Variants in ADCY10 observed in about 807,000 individuals in gnomAD.
ADCY10 encodes adenylate cyclase type 10.
A neutral mutation model predicts 183.3 loss-of-function variants in ADCY10; 156 were observed. That is an observed-to-expected ratio of 0.85 (90% CI 0.75 to 0.97). The LOEUF is 0.97. Among genes scored for constraint, ADCY10 ranks in the 50% least tolerant of loss-of-function variants. The probability of loss-of-function intolerance (pLI) is 0.00; values close to 1 mark genes in which losing one functional copy is unlikely to be tolerated. For synonymous variants in ADCY10, 645 were observed against 670.0 expected (o/e 0.96, Z 0.58); for missense variants, 1,745 against 1,934.3 (o/e 0.90, Z 1.84).
At chr1:167,853,832 T>C (rs1316010995) in intron 18 of ADCY10, among the ~76,000 whole-genome samples, 1 of 53,884 alleles carries the variant, frequency 1.9e-5, no homozygotes, top group Non-Finnish European at 3.6e-5. Context: ...TATAGTTACT[T>C]TTTTTTTTTT....
At chr1:167,880,721 T>C in intron 9 of ADCY10, 112 bp from the exon 10 acceptor site, 1 of 771,052 alleles carries the variant, frequency 1.3e-6, no homozygotes, top group Non-Finnish European at 2.3e-6. Flanking sequence ...GAATCAGATT[T>C]TATCATGATT....
At chr1:167,873,405 T>C (rs377765717) in intron 13 of ADCY10, among the ~76,000 whole-genome samples, 2 of 152,198 alleles carry the variant, frequency 1.3e-5, no homozygotes, top group African/African-American at 4.8e-5. Flanking sequence ...GACACCAAGA[T>C]TGTGGCCCAA....
chr1:167,825,955 A>C (rs1243256325), intron 26 of ADCY10, among the ~76,000 whole-genome samples: 1 of 152,246 alleles, frequency 6.6e-6, no homozygotes, highest in Non-Finnish European at 1.5e-5. Flanking sequence ...CAAAAACAAA[A>C]TAATACATGT....
intron 32 of ADCY10, 151 bp from the exon 33 acceptor site, chr1:167,809,990 C>T: frequency 4.1e-6 from 3 of 738,264 alleles, no homozygotes; most frequent in Non-Finnish European, 7.0e-6. Context: ...AACTAGGATA[C>T]TGACACAGCC....
chr1:167,873,187 T>C (rs1479773265), intron 13 of ADCY10, among the ~76,000 whole-genome samples: 3 of 152,142 alleles, frequency 2.0e-5, no homozygotes, highest in African/African-American at 2.4e-5. Flanking sequence ...AAAATAAGTA[T>C]ATCCTAGGAT....
At chr1:167,890,450 T>G (rs748810560) in intron 8 of ADCY10, among the ~76,000 whole-genome samples, 67 of 151,864 alleles carry the variant, frequency 4.4e-4, no homozygotes, top group Non-Finnish European at 8.2e-4. Context: ...GAGCTGGGGG[T>G]GGGGTCACAC....
rs764010084 is a variant in ADCY10, at chr1:167,875,172, G to A, written c.1421C>T (p.Ala474Val). The A allele has an allele frequency of 8.7e-6, 14 of 1,613,954 alleles. No homozygotes were observed. The highest frequency in any genetic ancestry group is 5.5e-5 in the South Asian group (5 of 91,076). ...GRTEKVMFGM[A>V]CLICNRKEDY... Reference sequence around the variant, plus strand: ...CTCCTTTCTGTTGCAGATGAGGCACGCCATACCAAACATGCTGAAGAGAAG... The same window carrying A: ...CTCCTTTCTGTTGCAGATGAGGCACACCATACCAAACATGCTGAAGAGAAG... Residue 474 changes from alanine (A) to valine (V), a missense_variant, in exon 13 of 33, where the codon GCG (alanine) becomes GTG (valine). Transcript: ENST00000367851.
chr1:167,830,494 C>T (rs1415828991), intron 25 of ADCY10, among the ~76,000 whole-genome samples: 1 of 152,044 alleles, frequency 6.6e-6, no homozygotes, highest in African/African-American at 2.4e-5. Context: ...CAGGTTCAAG[C>T]GATTCTCTTT....
At chr1:167,906,576 C>T (rs919533482) in intron 1 of ADCY10, among the ~76,000 whole-genome samples, 2 of 150,798 alleles carry the variant, frequency 1.3e-5, no homozygotes, top group Non-Finnish European at 3.0e-5. Context: ...TTGCTTGAGC[C>T]CGAGTTCGAG....
rs115395764 is a variant in ADCY10 at position 167,830,673 on chromosome 1, C to T, written c.3594-1250G>A. On this transcript the variant is annotated intron_variant, in intron 25 of 32. Coordinates refer to ENST00000367851, the MANE Select transcript of ADCY10 (RefSeq NM_018417.6). ...CCTCCCGAAGTGCTGGGATTGCAAG[C>T]GTGAGCCACTGCGCCTGGCCAAAAA... 4.6e-5 allele frequency among the ~76,000 whole-genome samples: 7 copies of T among 152,252 alleles called. No individual in the cohort carries two copies. In the East Asian group the frequency reaches 1.2e-3, roughly 25 times the overall value.
At chr1:167,838,221 A>G (rs1664368992) in intron 21 of ADCY10, among the ~76,000 whole-genome samples, 1 of 152,190 alleles carries the variant, frequency 6.6e-6, no homozygotes, top group Admixed American at 6.5e-5. Flanking sequence ...GTGCCCGTCA[A>G]CCCTGTGCAG....
At chr1:167,865,048 G>A (rs77831562) in intron 14 of ADCY10, among the ~76,000 whole-genome samples, 7,950 of 152,192 alleles carry the variant, frequency 0.052, 243 homozygotes, top group South Asian at 0.12. Context: ...AATTATCTGC[G>A]AAAGTCATAG....
rs575792931 is a variant in ADCY10, at chr1:167,886,731, A to G, written c.829-3103T>C. Among the ~76,000 whole-genome samples, 28 of 152,362 alleles carry G rather than the reference A, an allele frequency of 1.8e-4. No homozygotes were observed. The East Asian group carries it at 5.2e-3, about 28-fold the overall frequency. On this transcript the variant is annotated intron_variant, in intron 8 of 32. Transcript: ENST00000367851. ...TTAAACTAAAGAGCTTCTGAACAGC[A>G]AAAGAAATCATCAGAGTGAACAGGC...
At chr1:167,867,593 T>C (rs1010171483) in intron 14 of ADCY10, among the ~76,000 whole-genome samples, 20 of 152,318 alleles carry the variant, frequency 1.3e-4, no homozygotes, top group Admixed American at 1.0e-3. Flanking sequence ...TTATGACCCA[T>C]TTTAAGCCTC....
At chr1:167,888,605 G>T (rs1047933125) in intron 8 of ADCY10, among the ~76,000 whole-genome samples, 1 of 151,920 alleles carries the variant, frequency 6.6e-6, no homozygotes, top group Non-Finnish European at 1.5e-5. Flanking sequence ...GGCCGGGCGC[G>T]GTGGCTCACG....
In ADCY10 at chr1:167,845,038, G is replaced by A. The variant is rs573600892; in HGVS notation, c.3007+525C>T. Among the ~76,000 whole-genome samples, 112 of 152,288 alleles carry A rather than the reference G, an allele frequency of 7.4e-4. 1 individual carries two copies. Among genetic ancestry groups the A allele is most frequent in the Non-Finnish European group, 1.2e-4 (8 of 68,026 alleles). Reference sequence around the variant, plus strand: ...CATGGCTGGTTGGTATTATTGGCTTGTAACTTTTTAACTTTTGCTTCTCCG... The same window carrying A: ...CATGGCTGGTTGGTATTATTGGCTTATAACTTTTTAACTTTTGCTTCTCCG... On this transcript the variant is annotated intron_variant, in intron 21 of 32. Transcript: ENST00000367851.
rs17482467 is a variant in ADCY10, at chr1:167,809,468, A to C, written c.*210T>G. On this transcript the variant is annotated 3_prime_UTR_variant, in exon 33 of 33. Transcript: ENST00000367851. ...AAGCTAAAACAACATGAATGGTAAA[A>C]GCAATTTTTTGTAACATTAGGAAGA... 0.14 allele frequency: 81,146 copies of C among 583,956 alleles called. 6,316 individuals carry two copies. Among genetic ancestry groups the C allele is most frequent in the South Asian group, 0.23 (10,880 of 48,324 alleles). The allele number at this position is 583,956 out of a possible 1,614,324, so 36.2% of individuals were successfully genotyped here. A position where few individuals can be genotyped will look rare whatever the true frequency, so the allele number is the denominator to read the frequency against.
Position 167,810,836 on chromosome 1 carries a change from G to C in ADCY10, c.4560C>G (p.Val1520=). ...CPRLYHLMAY[V]CILMGDGQKC... is the part of the protein sequence containing the mutation. ...TCTGCCCATCTCCCATTAATATACA[G>C]ACGTAAGCCATCAGGTGGTAGAGCC... is the stretch of plus-strand genomic sequence containing the variant. The change falls in exon 32 of 33, where the codon GTC becomes GTG. Residue 1520 remains valine (V), a synonymous_variant. Transcript: ENST00000367851. 1 of 1,614,140 alleles carries C rather than the reference G, an allele frequency of 6.2e-7. No individual in the cohort carries two copies. Among genetic ancestry groups the C allele is most frequent in the Non-Finnish European group, 8.5e-7 (1 of 1,180,026 alleles).
Position 167,846,245 on chromosome 1 carries a change from A to G in ADCY10, c.2456T>C (p.Leu819Pro). Reference protein sequence around the residue: ...TSLKEISLIQLDSMRLSHQML... With the variant: ...TSLKEISLIQPDSMRLSHQML... The stretch of plus-strand genomic sequence containing the variant: ...TTGGTGGGAAAGTCTCATGCTATCC[A>G]GCTGGATCAGAGAGATTTCTGCAGG... Residue 819 changes from leucine to proline, a missense_variant, in exon 20 of 33, where the codon CTG becomes CCG. Transcript: ENST00000367851. The G allele has an allele frequency of 6.2e-7, 1 of 1,614,218 alleles. No homozygotes were observed. The highest frequency in any genetic ancestry group is 8.5e-7 in the Non-Finnish European group (1 of 1,180,042).
Sources: gnomAD v4.1 joint callset for allele counts (sites outside exome capture counted in the v4.1 genomes callset) on GRCh38, gnomAD v4.1.1 for gene constraint, MANE v1.5 for transcripts, NCBI Gene and HGNC (gene_info 2026-07-23, HGNC 2026-07-21) for gene names.